The following PIK3C2G variants were observed in gnomAD, a reference collection of about 807,000 sequenced individuals.
PIK3C2G encodes phosphatidylinositol 3-kinase C2 domain-containing subunit gamma.
PIK3C2G carries 168 observed loss-of-function variants against 181.1 expected under a neutral mutation model. The ratio of observed to expected loss-of-function variants is 0.93; its 90% CI spans 0.82 to 1.05. The LOEUF (loss-of-function observed/expected upper bound fraction) is 1.05, where lower values mean the gene tolerates loss of function less well. PIK3C2G is among the 50% of genes least tolerant of loss of function. PIK3C2G has a pLI of 0.00. For missense variants in PIK3C2G, 1,869 were observed against 1,732.8 expected (o/e 1.08, Z -1.40); for synonymous variants, 573 against 592.2 (o/e 0.97, Z 0.47).
intron 25 of PIK3C2G, among the ~76,000 whole-genome samples, chr12:18,540,244 G>C (rs917519996): frequency 6.6e-6 from 1 of 151,756 alleles, no homozygotes; most frequent in East Asian, 1.9e-4. Context: ...ATAAAAGACC[G>C]AGGTATCCAG....
intron 30 of PIK3C2G, among the ~76,000 whole-genome samples, chr12:18,600,898 T>C (rs933230491): frequency 1.6e-4 from 24 of 152,124 alleles, no homozygotes; most frequent in African/African-American, 5.6e-4. Flanking sequence ...GACAATTTCA[T>C]GTTACTTAAA....
chr12:18,347,286 G>C (rs1330363837), intron 11 of PIK3C2G, among the ~76,000 whole-genome samples: 1 of 152,010 alleles, frequency 6.6e-6, no homozygotes. Context: ...ATTGTACCTT[G>C]ATAAAATGAG....
the PIK3C2G span, chr12:18,723,431 T>A: frequency 6.2e-7 from 1 of 1,613,098 alleles, no homozygotes; most frequent in Non-Finnish European, 8.5e-7. Flanking sequence ...ATTTTCCGGT[T>A]TTCAGAATAT....
At position 18,648,019 on chromosome 12, in the gene PIK3C2G, T is replaced by C. The variant is rs758677387; in HGVS notation, c.4452T>C (p.Ser1484=). Residue 1484 remains serine (S), a synonymous_variant, in exon 33 of 33, where the codon AGT becomes AGC. Coordinates refer to ENST00000538779, the MANE Select transcript of PIK3C2G (RefSeq NM_001288772.2). ...DKEKWYPLGN[S]II ...AAAAATGGTATCCATTAGGAAACAG[T>C]ATAATTTGACCATTGCTATGAACAT... is the stretch of plus-strand genomic sequence containing the variant. The C allele has an allele frequency of 2.5e-6, 4 of 1,590,284 alleles. No homozygotes were observed. The South Asian group carries it at 4.6e-5, about 18-fold the overall frequency.
chr12:18,444,663 AT>A (rs377077499), intron 18 of PIK3C2G, among the ~76,000 whole-genome samples: 1 of 151,954 alleles, frequency 6.6e-6, no homozygotes, highest in Non-Finnish European at 1.5e-5. Flanking sequence ...AACAATGACT[AT>A]TTTTTTCTTT....
chr12:18,606,145 T>G (rs1948007877), intron 30 of PIK3C2G, among the ~76,000 whole-genome samples: 2 of 152,116 alleles, frequency 1.3e-5, no homozygotes, highest in Admixed American at 6.6e-5. Context: ...GATGGACACT[T>G]TAGTTACTAA....
chr12:18,529,786 G>T (rs1245724328), intron 24 of PIK3C2G, among the ~76,000 whole-genome samples: 1 of 152,072 alleles, frequency 6.6e-6, no homozygotes, highest in Non-Finnish European at 1.5e-5. Flanking sequence ...TGGTGCTATT[G>T]GAAAGATTTC....
intron 18 of PIK3C2G, among the ~76,000 whole-genome samples, chr12:18,455,167 A>G (rs1246139998): frequency 6.6e-6 from 1 of 152,172 alleles, no homozygotes; most frequent in Non-Finnish European, 1.5e-5. Context: ...GCCTTTTACA[A>G]CCTAATCACA....
chr12:18,642,215 G>A (rs1316560501), intron 32 of PIK3C2G, among the ~76,000 whole-genome samples: 1 of 152,016 alleles, frequency 6.6e-6, no homozygotes, highest in Non-Finnish European at 1.5e-5. Flanking sequence ...TTCTCTTATA[G>A]TTTTTTCTAA....
At position 18,568,422 on chromosome 12, in the gene PIK3C2G, G is replaced by A. The variant is rs527544929; in HGVS notation, c.4011+1365G>A. ...TGTGTGTGTGTGTGTGTCTGTGTGT[G>A]TGTGAGACAGAGAGAGAAAGAAAAG... On this transcript the variant is annotated intron_variant, in intron 29 of 32. Coordinates refer to ENST00000538779, the MANE Select transcript of PIK3C2G (RefSeq NM_001288772.2). 5.9e-5 allele frequency among the ~76,000 whole-genome samples: 9 copies of A among 151,636 alleles called. No homozygotes were observed. The East Asian group carries it at 1.7e-3, about 29-fold the overall frequency.
At chr12:18,592,747 A>G (rs1431107798) in intron 29 of PIK3C2G, among the ~76,000 whole-genome samples, 1 of 151,942 alleles carries the variant, frequency 6.6e-6, no homozygotes, top group Non-Finnish European at 1.5e-5. Context: ...AAATTGACAG[A>G]ATTGACCATA....
At chr12:18,492,587 A>G (rs1482226818) in intron 20 of PIK3C2G, among the ~76,000 whole-genome samples, 1 of 152,208 alleles carries the variant, frequency 6.6e-6, no homozygotes, top group Non-Finnish European at 1.5e-5. Context: ...CATCAGCAGT[A>G]TTCTTGTCTA....
chr12:18,697,156 T>C, the PIK3C2G span, among the ~76,000 whole-genome samples: 1 of 152,164 alleles, frequency 6.6e-6, no homozygotes, highest in Non-Finnish European at 1.5e-5. Flanking sequence ...CCTGCTGATA[T>C]AGTGACTCAT....
At chr12:18,619,255 G>A (rs990931796) in intron 31 of PIK3C2G, among the ~76,000 whole-genome samples, 11 of 152,056 alleles carry the variant, frequency 7.2e-5, no homozygotes, top group African/African-American at 1.4e-4. Flanking sequence ...ACAGTGGAAC[G>A]TCTTTAAAAT....
the PIK3C2G span, among the ~76,000 whole-genome samples, chr12:18,698,510 A>C: frequency 6.6e-6 from 1 of 152,166 alleles, no homozygotes; most frequent in Non-Finnish European, 1.5e-5. Flanking sequence ...GACCAGCCCA[A>C]TAAGGTTAAT....
rs199762658 is a variant in PIK3C2G, at chr12:18,647,893, C to T, written c.4326C>T (p.Val1442=). 1.5e-4 allele frequency: 234 copies of T among 1,562,584 alleles called. No homozygotes were observed. Among genetic ancestry groups the T allele is most frequent in the Non-Finnish European group, 1.9e-4 (218 of 1,152,090 alleles). ...GTTTTTAGGTAGTATATGATGAAGT[C>T]ACAGAGCTCCAAGGACATGTCTTAA... ...TYNEIVVYDE[V]TELQGHVLML... Residue 1442 remains valine (V), a synonymous_variant, in exon 33 of 33, where the codon GTC becomes GTT. Coordinates refer to ENST00000538779, the MANE Select transcript of PIK3C2G (RefSeq NM_001288772.2).
chr12:18,611,751 A>T (rs1461253296), intron 31 of PIK3C2G, among the ~76,000 whole-genome samples: 1 of 152,048 alleles, frequency 6.6e-6, no homozygotes, highest in Non-Finnish European at 1.5e-5. Flanking sequence ...CACAAGCTAC[A>T]TCCATATTAC....
At chr12:18,505,255 G>A (rs1411929818) in intron 23 of PIK3C2G, 37 bp from the exon 24 acceptor site, 1 of 1,513,550 alleles carries the variant, frequency 6.6e-7, no homozygotes, top group African/African-American at 1.4e-5. Context: ...CTCATTTTTT[G>A]TTGTTATTTT....
chr12:18,492,636 C>T (rs1940665668), intron 20 of PIK3C2G, among the ~76,000 whole-genome samples: 1 of 152,206 alleles, frequency 6.6e-6, no homozygotes, highest in South Asian at 2.1e-4. Flanking sequence ...TTCAAAGACA[C>T]TGTACCTTAA....
Sources: allele counts gnomAD v4.1 joint callset (sites outside exome capture counted in the v4.1 genomes callset), GRCh38; gene constraint gnomAD v4.1.1; transcripts MANE v1.5; gene names NCBI Gene and HGNC (gene_info 2026-07-23, HGNC 2026-07-21).